Variants in SHC3 observed in about 807,000 individuals in gnomAD.
The protein encoded by SHC3 is SHC-transforming protein 3.
Under a neutral mutation model 60.4 loss-of-function variants are expected in SHC3, and 15 were observed. That is an observed-to-expected ratio of 0.25 (90% confidence interval 0.17 to 0.38). The LOEUF is 0.38. Ranked by LOEUF, SHC3 falls within the 10% of genes least tolerant of loss-of-function variation. SHC3 has a pLI of 1.00. For missense variants in SHC3, 677 were observed against 786.1 expected (o/e 0.86, Z 1.66); for synonymous variants, 294 against 325.9 (o/e 0.90, Z 1.05).
chr9:89,018,699 C>CTTTCTT (rs1554688712), intron 11 of SHC3, among the ~76,000 whole-genome samples: 1 of 137,472 alleles, frequency 7.3e-6, no homozygotes, highest in South Asian at 2.3e-4. Flanking sequence ...TTCTTTCTTT[C>CTTTCTT]TTTTTTTTTT....
At chr9:89,063,161 C>A (rs955639899) in intron 6 of SHC3, among the ~76,000 whole-genome samples, 1 of 152,168 alleles carries the variant, frequency 6.6e-6, no homozygotes, top group Non-Finnish European at 1.5e-5. Flanking sequence ...GACGGAGTCT[C>A]GCTCTGTCGC....
chr9:89,053,197 A>T (rs1401435000), intron 6 of SHC3, among the ~76,000 whole-genome samples: 1 of 152,178 alleles, frequency 6.6e-6, no homozygotes, highest in East Asian at 1.9e-4. Context: ...CCTGGGAAGG[A>T]TGACAGCTGC....
At position 89,149,188 on chromosome 9, in the gene SHC3, A is replaced by T. The variant is rs140380003; in HGVS notation, c.474+28799T>A. On this transcript the variant is annotated intron_variant, in intron 1 of 11. Coordinates refer to ENST00000375835, the MANE Select transcript of SHC3 (RefSeq NM_016848.6). ...TCCACCGCACACTGGTGTGGTAAGG[A>T]TTTTCAATTCGCTTTTCCTAAAATT... Among the ~76,000 whole-genome samples the T allele has an allele frequency of 3.6e-3, 547 of 152,200 alleles. 3 individuals carry two copies. Among genetic ancestry groups the T allele is most frequent in the African/African-American group, 0.012 (515 of 41,510 alleles).
intron 11 of SHC3, among the ~76,000 whole-genome samples, chr9:89,021,523 C>T (rs573107030): frequency 5.3e-5 from 8 of 152,320 alleles, no homozygotes; most frequent in African/African-American, 1.7e-4. Flanking sequence ...AACCTGAAAC[C>T]TGTGTAAAAA....
intron 1 of SHC3, among the ~76,000 whole-genome samples, chr9:89,171,367 T>A (rs1020692442): frequency 6.6e-6 from 1 of 152,174 alleles, no homozygotes; most frequent in Non-Finnish European, 1.5e-5. Context: ...TTTGATAAAA[T>A]GAAGTTTGTC....
At chr9:89,029,665 A>G (rs1354122603) in intron 11 of SHC3, among the ~76,000 whole-genome samples, 1 of 152,188 alleles carries the variant, frequency 6.6e-6, no homozygotes, top group Non-Finnish European at 1.5e-5. Context: ...TCACCTTAGA[A>G]GAGGAAGTCC....
At chr9:89,161,410 A>C (rs1214542603) in intron 1 of SHC3, among the ~76,000 whole-genome samples, 2 of 152,104 alleles carry the variant, frequency 1.3e-5, no homozygotes, top group East Asian at 3.9e-4. Flanking sequence ...TCTCAACATC[A>C]TGCTTTCTGT....
intron 1 of SHC3, among the ~76,000 whole-genome samples, chr9:89,126,375 C>T (rs539325776): frequency 6.6e-6 from 1 of 152,298 alleles, no homozygotes; most frequent in Non-Finnish European, 1.5e-5. Context: ...TCTCTCTCTG[C>T]TAAGAATGGG....
At chr9:89,163,834 A>G (rs1826746479) in intron 1 of SHC3, among the ~76,000 whole-genome samples, 2 of 151,810 alleles carry the variant, frequency 1.3e-5, no homozygotes, top group Admixed American at 1.3e-4. Flanking sequence ...GACATCCTAG[A>G]TCAAAGTATT....
At chr9:89,145,899 C>T (rs1826461506) in intron 1 of SHC3, among the ~76,000 whole-genome samples, 1 of 152,106 alleles carries the variant, frequency 6.6e-6, no homozygotes, top group South Asian at 2.1e-4. Flanking sequence ...GTATACTTTA[C>T]CACAGTTTTA....
Position 89,174,188 on chromosome 9 carries a change from C to T in SHC3, c.474+3799G>A, listed in dbSNP as rs925551262. On this transcript the variant is annotated intron_variant, in intron 1 of 11. Coordinates refer to ENST00000375835, the MANE Select transcript of SHC3 (RefSeq NM_016848.6). ...TAAATTTTTGAGTAAATGTAATTTA[C>T]GAAGACCACCTATAAAAGGCAGTAG... Among the ~76,000 whole-genome samples, 6 of 152,108 alleles carry T rather than the reference C, an allele frequency of 3.9e-5. No individual in the cohort carries two copies. The East Asian group carries it at 9.7e-4, about 24-fold the overall frequency.
rs1825386960 is a variant in SHC3 at position 89,077,986 on chromosome 9, G to T, written c.546-83C>A. 18 of 1,445,284 alleles carry T rather than the reference G, an allele frequency of 1.2e-5. No individual in the cohort carries two copies. The South Asian group carries it at 2.0e-4, about 16-fold the overall frequency. The allele number at this position is 1,445,284 out of a possible 1,614,324, so 89.5% of individuals were successfully genotyped here. ...GAGATGCTACACTTGCACATCCAAA[G>T]AAAATAACTGCCTGTTTATTTCAGT... On this transcript the variant is annotated intron_variant, in intron 2 of 11. Coordinates refer to ENST00000375835, the MANE Select transcript of SHC3 (RefSeq NM_016848.6).
At chr9:89,094,020 C>T (rs984563660) in intron 2 of SHC3, among the ~76,000 whole-genome samples, 3 of 150,762 alleles carry the variant, frequency 2.0e-5, no homozygotes, top group African/African-American at 7.3e-5. Flanking sequence ...AGGATAATTG[C>T]TTGAACCTGG....
At chr9:89,021,293 C>T (rs1275979722) in intron 11 of SHC3, among the ~76,000 whole-genome samples, 1 of 152,174 alleles carries the variant, frequency 6.6e-6, no homozygotes, top group Non-Finnish European at 1.5e-5. Flanking sequence ...GGGAACTGTG[C>T]CATCTCCATG....
chr9:89,068,727 A>C (rs1316973864), intron 5 of SHC3, among the ~76,000 whole-genome samples: 4 of 152,166 alleles, frequency 2.6e-5, no homozygotes, highest in African/African-American at 9.7e-5. Context: ...TCCTATGTGC[A>C]TCCTGAAAAT....
chr9:89,043,269 G>A (rs145375495), intron 9 of SHC3, among the ~76,000 whole-genome samples: 97 of 152,246 alleles, frequency 6.4e-4, no homozygotes, highest in Non-Finnish European at 1.1e-3. Context: ...ACATTCCCTC[G>A]CTGGGGAGCA....
Position 89,178,295 on chromosome 9 carries a change from C to T in SHC3, c.166G>A (p.Ala56Thr). ...YLVSGEALRK[A>T]PDDGPGSLGH... The stretch of plus-strand genomic sequence containing the variant: ...AGGCTGCCGGGCCCATCGTCGGGCG[C>T]CTTGCGCAGCGCCTCGCCGGACACC... Residue 56 changes from alanine to threonine, a missense_variant, in exon 1 of 12, where the codon GCG becomes ACG. Ala to Thr is a moderately conservative substitution (Grantham distance 58, BLOSUM62 0). Transcript: ENST00000375835. The surrounding 1 kb of genome is among the most constrained non-coding windows in gnomAD (Gnocchi z 6.9). The T allele has an allele frequency of 6.4e-7, 1 of 1,573,024 alleles. No homozygotes were observed.
intron 6 of SHC3, among the ~76,000 whole-genome samples, chr9:89,057,767 C>A (rs1824979758): frequency 6.6e-6 from 1 of 152,098 alleles, no homozygotes; most frequent in Admixed American, 6.5e-5. Context: ...TAAAAATATA[C>A]CTCTGTAGTG....
intron 11 of SHC3, among the ~76,000 whole-genome samples, chr9:89,036,742 T>C (rs1824584865): frequency 6.6e-6 from 1 of 152,140 alleles, no homozygotes; most frequent in Non-Finnish European, 1.5e-5. Flanking sequence ...CAAACTTCTT[T>C]TTTCTTTTTT....
Sources: gnomAD v4.1 joint callset for allele counts (sites outside exome capture counted in the v4.1 genomes callset) on GRCh38, gnomAD v4.1.1 for gene constraint, Gnocchi (gnomAD v3.1) non-coding constraint, MANE v1.5 for transcripts, NCBI Gene and HGNC (gene_info 2026-07-23, HGNC 2026-07-21) for gene names.